Variants in ZNF334 observed in about 807,000 individuals in gnomAD.
ZNF334 encodes zinc finger protein 334.
Under a neutral mutation model 12.4 loss-of-function variants are expected in ZNF334, and 14 were observed. The ratio of observed to expected loss-of-function variants is 1.13; its 90% CI spans 0.74 to 1.76. The LOEUF (loss-of-function observed/expected upper bound fraction) is 1.76, where lower values mean the gene tolerates loss of function less well. Among genes scored for constraint, ZNF334 ranks in the 40% most tolerant of loss-of-function variants. ZNF334 has a pLI of 0.00. For missense variants in ZNF334, 797 were observed against 804.5 expected, an observed-to-expected ratio of 0.99 and a Z score of 0.11; for synonymous variants, 273 against 269.6, an observed-to-expected ratio of 1.01 and a Z score of -0.12.
At chr20:46,509,358 C>T (rs923711938) in intron 2 of ZNF334, among the ~76,000 whole-genome samples, 2 of 151,970 alleles carry the variant, frequency 1.3e-5, no homozygotes, top group Non-Finnish European at 2.9e-5. Context: ...AACTCCAAGC[C>T]GGGGTAGTGA....
chr20:46,463,964 G>A, the ZNF334 span: 1 of 590,786 alleles, frequency 1.7e-6, no homozygotes, highest in Non-Finnish European at 3.3e-6. Flanking sequence ...AAGTCTGTCA[G>A]TTCATCGTCC....
At chr20:46,483,899 A>G in the ZNF334 span, among the ~76,000 whole-genome samples, 1 of 152,210 alleles carries the variant, frequency 6.6e-6, no homozygotes, top group African/African-American at 2.4e-5. Flanking sequence ...AAATGGAGAT[A>G]CTATTGAATT....
chr20:46,488,804 G>GGTTTTTTTTTTTTTTTTTTTTTTTTTTTT, the ZNF334 span, among the ~76,000 whole-genome samples: 1 of 104,124 alleles, frequency 9.6e-6, no homozygotes, highest in Non-Finnish European at 2.0e-5. Context: ...CTAGTTAATA[G>GGTTTTTTTTTTTTTTTTTTTTTTTTTTTT]TTTTTTTTTT....
At chr20:46,470,652 C>T in the ZNF334 span, among the ~76,000 whole-genome samples, 3 of 152,202 alleles carry the variant, frequency 2.0e-5, no homozygotes, top group African/African-American at 7.2e-5. Context: ...AGCATGCATT[C>T]ATAAACACTC....
At chr20:46,489,918 T>C in the ZNF334 span, among the ~76,000 whole-genome samples, 1 of 152,166 alleles carries the variant, frequency 6.6e-6, no homozygotes, top group African/African-American at 2.4e-5. Flanking sequence ...TATTAACATA[T>C]CTACTATATT....
the ZNF334 span, among the ~76,000 whole-genome samples, chr20:46,474,093 G>A: frequency 1.3e-5 from 2 of 152,186 alleles, no homozygotes; most frequent in African/African-American, 4.8e-5. Context: ...TCAGAGTCAA[G>A]GCCGGGCGCT....
chr20:46,465,804 A>G, the ZNF334 span, among the ~76,000 whole-genome samples: 1 of 151,996 alleles, frequency 6.6e-6, no homozygotes, highest in Non-Finnish European at 1.5e-5. Context: ...ATACAAAAGA[A>G]ATTAGCCGGG....
chr20:46,502,344 C>T lies in ZNF334; in HGVS notation c.995G>A (p.Arg332Gln), dbSNP rs202007181. The change falls in exon 5 of 5, where the codon CGG becomes CAG. Residue 332 changes from arginine to glutamine, a missense_variant. Coordinates refer to ENST00000692313, the MANE Select transcript of ZNF334 (RefSeq NM_001353824.2). ...GAAATGTTCAGCCAGGGCTGACTTC[C>T]GAAAAAAGGTCTTTCCACATTCATT... is the stretch of plus-strand genomic sequence containing the variant. ...ECNECGKTFF[R>Q]KSALAEHFRS... The T allele has an allele frequency of 5.7e-5, 92 of 1,612,336 alleles. No individual in the cohort carries two copies. The highest frequency in any genetic ancestry group is 1.1e-4 in the South Asian group (10 of 90,882).
the ZNF334 span, among the ~76,000 whole-genome samples, chr20:46,474,260 C>T: frequency 5.9e-3 from 896 of 152,062 alleles, 8 homozygotes; most frequent in African/African-American, 0.02. Context: ...GTAATCCCAG[C>T]TACTTGGGAG....
At chr20:46,478,744 A>G in the ZNF334 span, among the ~76,000 whole-genome samples, 15 of 152,350 alleles carry the variant, frequency 9.8e-5, no homozygotes, top group African/African-American at 3.6e-4. Context: ...GCAGGGGAAC[A>G]CTTAACAAAA....
the ZNF334 span, chr20:46,463,988 G>A: frequency 1.6e-6 from 1 of 623,254 alleles, no homozygotes; most frequent in Non-Finnish European, 3.1e-6. Flanking sequence ...TCTGCCAAAA[G>A]CATAAGCAAC....
chr20:46,506,373 C>A, intron 2 of ZNF334: 1 of 587,180 alleles, frequency 1.7e-6, no homozygotes, highest in South Asian at 2.1e-5. Context: ...CACCTATAAT[C>A]CCAGCACTCT....
intron 2 of ZNF334, among the ~76,000 whole-genome samples, chr20:46,508,267 A>G (rs917544110): frequency 7.9e-5 from 12 of 152,366 alleles, no homozygotes; most frequent in African/African-American, 2.2e-4. Flanking sequence ...GAGTACTACT[A>G]TGAGCAGGGA....
downstream of ZNF334, among the ~76,000 whole-genome samples, chr20:46,496,106 A>G (rs1310940559): frequency 5.3e-5 from 8 of 152,316 alleles, no homozygotes; most frequent in Middle Eastern, 6.8e-3. Flanking sequence ...ATATAATCCC[A>G]TAAGTCATAC....
rs1378180693 is a variant in ZNF334, at chr20:46,500,021, G to T, written c.*1275C>A. The T allele has an allele frequency of 6.6e-6, 1 of 152,146 alleles. No individual in the cohort carries two copies. The highest frequency in any genetic ancestry group is 1.5e-5 in the Non-Finnish European group (1 of 68,014). The allele number at this position is 152,146 out of a possible 1,614,324, so 9.4% of individuals were successfully genotyped here. ...TGAGTTGGAGGATGCAACTTAGTGT[G>T]ACCATTCAGCTAATGGGCCAATTAG... On this transcript the variant is annotated 3_prime_UTR_variant, in exon 5 of 5. Transcript: ENST00000692313.
In ZNF334 at chr20:46,501,116, A is replaced by T. The variant is rs2061142022; in HGVS notation, c.*180T>A. ...TCACAATGAATAATACATTTATTAA[A>T]CAAATTATTTCTTTCCTACATGATT... On this transcript the variant is annotated 3_prime_UTR_variant, in exon 5 of 5. Transcript: ENST00000692313. 3 of 681,640 alleles carry T rather than the reference A, an allele frequency of 4.4e-6. No individual in the cohort carries two copies. In the East Asian group the frequency reaches 8.4e-5, roughly 19 times the overall value. 42.2% of individuals were successfully genotyped at this position (681,640 alleles called of 1,614,324 possible).
chr20:46,481,695 T>C, the ZNF334 span, among the ~76,000 whole-genome samples: 23,695 of 152,072 alleles, frequency 0.16, 1,918 homozygotes, highest in African/African-American at 0.18. Context: ...TGCCACCATA[T>C]TTCTGGGTAA....
the ZNF334 span, among the ~76,000 whole-genome samples, chr20:46,472,474 T>C: frequency 6.6e-6 from 1 of 152,202 alleles, no homozygotes; most frequent in Non-Finnish European, 1.5e-5. Context: ...AAGGAAGGCC[T>C]GAGAAGATAG....
chr20:46,481,890 C>A, the ZNF334 span, among the ~76,000 whole-genome samples: 1 of 152,164 alleles, frequency 6.6e-6, no homozygotes, highest in South Asian at 2.1e-4. Flanking sequence ...TCCCTGGAAG[C>A]TGTGAATGTG....
Sources: gnomAD v4.1 joint callset for allele counts (sites outside exome capture counted in the v4.1 genomes callset) on GRCh38, gnomAD v4.1.1 for gene constraint, MANE v1.5 for transcripts, NCBI Gene and HGNC (gene_info 2026-07-23, HGNC 2026-07-21) for gene names.